Variants in MYO3B observed in about 807,000 individuals in gnomAD.
MYO3B encodes the protein myosin IIIB, also known as myosin-IIIb.
MYO3B carries 156 observed loss-of-function variants against 174.6 expected under a neutral mutation model. The observed-to-expected ratio is 0.89, with a 90% CI of 0.78 to 1.02. MYO3B has a LOEUF of 1.02. Among genes scored for constraint, MYO3B ranks in the 50% least tolerant of loss-of-function variants. MYO3B has a pLI of 0.00. For missense variants in MYO3B, 1,632 were observed against 1,639.4 expected, an observed-to-expected ratio of 1.00 and a Z score of 0.08; for synonymous variants, 563 against 569.1, an observed-to-expected ratio of 0.99 and a Z score of 0.15.
At chr2:170,447,100 T>C (rs759395088) in intron 23 of MYO3B, among the ~76,000 whole-genome samples, 23 of 152,140 alleles carry the variant, frequency 1.5e-4, no homozygotes, top group Non-Finnish European at 2.9e-4. Flanking sequence ...GAGAGTGACC[T>C]TCCTAGGTAT....
At chr2:170,511,714 G>T (rs549843743) in intron 28 of MYO3B, among the ~76,000 whole-genome samples, 1 of 152,142 alleles carries the variant, frequency 6.6e-6, no homozygotes, top group African/African-American at 2.4e-5. Flanking sequence ...TGTCTGTGCA[G>T]AACAGTCTGC....
chr2:170,436,858 C>T (rs1179803970), intron 22 of MYO3B, among the ~76,000 whole-genome samples: 2 of 152,226 alleles, frequency 1.3e-5, no homozygotes, highest in East Asian at 3.9e-4. Flanking sequence ...GTTTTTTTGA[C>T]TAGCCAGTGA....
chr2:170,618,431 G>C (rs1400393114), intron 32 of MYO3B, among the ~76,000 whole-genome samples: 1 of 152,142 alleles, frequency 6.6e-6, no homozygotes, highest in Non-Finnish European at 1.5e-5. Flanking sequence ...TGTTGTAAAG[G>C]AGTTAGCGTG....
At chr2:170,277,400 A>T (rs1039997533) in intron 7 of MYO3B, among the ~76,000 whole-genome samples, 1 of 152,188 alleles carries the variant, frequency 6.6e-6, no homozygotes, top group Non-Finnish European at 1.5e-5. Flanking sequence ...CTGGCGCAAT[A>T]AGTCATTAAA....
At chr2:170,339,669 A>C (rs1335206987) in intron 8 of MYO3B, among the ~76,000 whole-genome samples, 1 of 152,246 alleles carries the variant, frequency 6.6e-6, no homozygotes, top group African/African-American at 2.4e-5. Context: ...AAAACATCTA[A>C]AAGTCTGAAA....
chr2:170,380,276 ATG>A (rs1406915720), intron 9 of MYO3B, among the ~76,000 whole-genome samples: 1 of 90,152 alleles, frequency 1.1e-5, no homozygotes, highest in Non-Finnish European at 3.0e-5. Context: ...ATTCAGAGTA[ATG>A]TGTGTAGTTA....
At chr2:170,644,203 T>A (rs984386719) in intron 32 of MYO3B, among the ~76,000 whole-genome samples, 6 of 152,234 alleles carry the variant, frequency 3.9e-5, no homozygotes, top group African/African-American at 1.4e-4. Context: ...AATCATTTTT[T>A]AATATGTCTT....
At chr2:170,396,474 C>G (rs2094442508) in intron 16 of MYO3B, among the ~76,000 whole-genome samples, 1 of 151,922 alleles carries the variant, frequency 6.6e-6, no homozygotes, top group Non-Finnish European at 1.5e-5. Context: ...CTGATGGAGT[C>G]AAGTGGATGG....
chr2:170,204,758 G>C (rs1011180687), intron 3 of MYO3B, among the ~76,000 whole-genome samples: 1 of 152,116 alleles, frequency 6.6e-6, no homozygotes, highest in African/African-American at 2.4e-5. Context: ...AGAGTGGGCG[G>C]GAATAAAGGG....
At chr2:170,186,502 T>C (rs2092465414) in intron 1 of MYO3B, among the ~76,000 whole-genome samples, 1 of 152,238 alleles carries the variant, frequency 6.6e-6, no homozygotes, top group Admixed American at 6.5e-5. Flanking sequence ...ATCTTTTTAA[T>C]GTATTGTTGA....
intron 32 of MYO3B, among the ~76,000 whole-genome samples, chr2:170,546,642 A>G (rs1690510303): frequency 6.6e-6 from 1 of 152,256 alleles, no homozygotes; most frequent in Non-Finnish European, 1.5e-5. Flanking sequence ...AACGACAAAG[A>G]TGAAGAACAA....
intron 32 of MYO3B, among the ~76,000 whole-genome samples, chr2:170,595,798 A>T (rs149544305): frequency 6.6e-6 from 1 of 152,246 alleles, no homozygotes; most frequent in East Asian, 1.9e-4. Flanking sequence ...AGAGCATGCC[A>T]TCTGTGCCTT....
At chr2:170,226,385 C>T (rs920584240) in intron 6 of MYO3B, among the ~76,000 whole-genome samples, 1 of 152,204 alleles carries the variant, frequency 6.6e-6, no homozygotes, top group African/African-American at 2.4e-5. Context: ...AAACAGATTC[C>T]TTCTCTGGTT....
At chr2:170,367,645 G>A (rs1401282) in intron 8 of MYO3B, among the ~76,000 whole-genome samples, 32,158 of 152,010 alleles carry the variant, frequency 0.21, 3,550 homozygotes, top group East Asian at 0.27. Context: ...CAGGAAACAT[G>A]GTTATTAGCA....
At chr2:170,235,211 G>T (rs975212824) in intron 6 of MYO3B, among the ~76,000 whole-genome samples, 2 of 152,156 alleles carry the variant, frequency 1.3e-5, no homozygotes, top group East Asian at 1.9e-4. Context: ...AGGAGTTCCT[G>T]GTCCTCCACA....
intron 5 of MYO3B, among the ~76,000 whole-genome samples, chr2:170,215,651 T>C (rs2092819793): frequency 6.6e-6 from 1 of 152,234 alleles, no homozygotes; most frequent in South Asian, 2.1e-4. Flanking sequence ...AAGAAATTAC[T>C]TAAAAATAAA....
intron 30 of MYO3B, among the ~76,000 whole-genome samples, chr2:170,540,168 A>T (rs1689991152): frequency 6.6e-6 from 1 of 152,090 alleles, no homozygotes. Flanking sequence ...CAAATAATAA[A>T]AAATTAGCCA....
At chr2:170,480,222 C>T (rs527711115) in intron 25 of MYO3B, among the ~76,000 whole-genome samples, 71 of 152,222 alleles carry the variant, frequency 4.7e-4, no homozygotes, top group African/African-American at 1.7e-3. Flanking sequence ...TTCACGGGCC[C>T]CAAGGCAAGA....
rs1690200496 is a variant in MYO3B at position 170,542,762 on chromosome 2, C to T, written c.3576-144C>T. ...ACTCATTTTCTTAAGGTGACCATGT[C>T]CTTTTAACCAAGGACTGAAATGGGA... On this transcript the variant is annotated intron_variant, in intron 30 of 34. Transcript: ENST00000408978. The T allele has an allele frequency of 2.1e-5, 13 of 612,630 alleles. No homozygotes were observed. In the South Asian group the frequency reaches 3.2e-4, roughly 15 times the overall value. 37.9% of individuals were successfully genotyped at this position (612,630 alleles called of 1,614,324 possible). A position where few individuals can be genotyped will look rare whatever the true frequency, so the allele number is the denominator to read the frequency against.
Sources: allele counts gnomAD v4.1 joint callset (sites outside exome capture counted in the v4.1 genomes callset), GRCh38; gene constraint gnomAD v4.1.1; transcripts MANE v1.5; gene names NCBI Gene and HGNC (gene_info 2026-07-23, HGNC 2026-07-21).